Variants in GYPE observed in about 807,000 individuals in gnomAD.
GYPE encodes the protein glycophorin E (MNS blood group), also known as glycophorin-E.
Under a neutral mutation model 11.6 loss-of-function variants are expected in GYPE, and 8 were observed. The observed-to-expected ratio is 0.69, with a 90% CI of 0.41 to 1.25. The LOEUF (loss-of-function observed/expected upper bound fraction) is 1.25. Among genes scored for constraint, GYPE ranks in the 50% most tolerant of loss-of-function variants. The pLI is 0.01. For missense variants in GYPE, 90 were observed against 92.8 expected, an observed-to-expected ratio of 0.97 and a Z score of 0.12; for synonymous variants, 28 against 29.6, an observed-to-expected ratio of 0.94 and a Z score of 0.18.
At chr4:143,872,418 A>G (rs915102185) in intron 3 of GYPE, among the ~76,000 whole-genome samples, 166 bp from the exon 4 acceptor site, 2 of 152,168 alleles carry the variant, frequency 1.3e-5, no homozygotes. Flanking sequence ...AAGCAAATTT[A>G]AAAAATTAAT....
chr4:143,876,210 C>T (rs1301070907), intron 3 of GYPE, among the ~76,000 whole-genome samples: 1 of 152,006 alleles, frequency 6.6e-6, no homozygotes, highest in South Asian at 2.1e-4. Context: ...ATTTCCCAGG[C>T]TGAAGCAATC....
rs774815279 is a variant in GYPE, at chr4:143,880,400, T to G, written c.136+11A>C. On this transcript the variant is annotated intron_variant, in intron 2 of 3. Transcript: ENST00000358615. ...CGGAGCCACAATTTAAAAATAAAAATGAAAACAAACCATTTGTCTGTGATG... is the reference window on the plus strand; with the variant it reads ...CGGAGCCACAATTTAAAAATAAAAAGGAAAACAAACCATTTGTCTGTGATG... 1 of 1,613,874 alleles carries G rather than the reference T, an allele frequency of 6.2e-7. No homozygotes were observed. Among genetic ancestry groups the G allele is most frequent in the Non-Finnish European group, 8.5e-7 (1 of 1,179,800 alleles).
chr4:143,889,225 C>T (rs2590008), intron 1 of GYPE, among the ~76,000 whole-genome samples: 6 of 151,434 alleles, frequency 4.0e-5, no homozygotes, highest in South Asian at 2.1e-4. Context: ...TTTTTAGCCT[C>T]GCTCTGTACT....
chr4:143,889,596 G>C (rs1047767444), intron 1 of GYPE, among the ~76,000 whole-genome samples: 1 of 152,126 alleles, frequency 6.6e-6, no homozygotes, highest in African/African-American at 2.4e-5. Context: ...CAAACTCCTA[G>C]GCTCAAGCAA....
intron 1 of GYPE, among the ~76,000 whole-genome samples, chr4:143,892,099 G>C (rs1744430651): frequency 6.6e-6 from 1 of 152,196 alleles, no homozygotes; most frequent in Non-Finnish European, 1.5e-5. Flanking sequence ...TATTTGCGTA[G>C]AGGTGTTTGT....
intron 3 of GYPE, chr4:143,873,405 T>C (rs1416397414): frequency 2.2e-6 from 1 of 454,930 alleles, no homozygotes; most frequent in Non-Finnish European, 4.4e-6. Context: ...TTTTATCCAG[T>C]TGAATAATAA....
At chr4:143,874,632 C>T (rs1338552780) in intron 3 of GYPE, among the ~76,000 whole-genome samples, 2 of 152,212 alleles carry the variant, frequency 1.3e-5, no homozygotes, top group African/African-American at 4.8e-5. Context: ...ACTCCTCCTT[C>T]TGACTCCAAG....
intron 1 of GYPE, among the ~76,000 whole-genome samples, chr4:143,882,098 C>A (rs1290524662): frequency 6.6e-6 from 1 of 152,128 alleles, no homozygotes; most frequent in African/African-American, 2.4e-5. Flanking sequence ...CTTTTAAGTT[C>A]TTTTCTGGCC....
At chr4:143,900,745 T>C (rs1344829135) in intron 1 of GYPE, among the ~76,000 whole-genome samples, 1 of 152,158 alleles carries the variant, frequency 6.6e-6, no homozygotes, top group African/African-American at 2.4e-5. Flanking sequence ...AGGCTACCTA[T>C]TATATGATTC....
intron 1 of GYPE, among the ~76,000 whole-genome samples, chr4:143,893,165 A>T (rs1744480201): frequency 9.8e-6 from 1 of 102,108 alleles, no homozygotes; most frequent in Non-Finnish European, 2.1e-5. Flanking sequence ...TTTGCTTGGT[A>T]GATCTTCCTC....
chr4:143,893,670 C>T (rs555944724), intron 1 of GYPE, among the ~76,000 whole-genome samples: 1 of 152,072 alleles, frequency 6.6e-6, no homozygotes, highest in Non-Finnish European at 1.5e-5. Flanking sequence ...GAGTTTCTGC[C>T]GAGAGATCTG....
chr4:143,877,097 A>G (rs535406293), intron 2 of GYPE, among the ~76,000 whole-genome samples: 5 of 152,294 alleles, frequency 3.3e-5, no homozygotes, highest in South Asian at 2.1e-4. Context: ...TTGATGACAG[A>G]ACTAAGACCT....
intron 1 of GYPE, among the ~76,000 whole-genome samples, chr4:143,902,651 C>G (rs1419351414): frequency 6.6e-6 from 1 of 151,638 alleles, no homozygotes; most frequent in Non-Finnish European, 1.5e-5. Context: ...CTCCTTCTCC[C>G]TCCCTTCACC....
At chr4:143,874,467 C>G (rs1044308468) in intron 3 of GYPE, among the ~76,000 whole-genome samples, 3 of 152,168 alleles carry the variant, frequency 2.0e-5, no homozygotes, top group Non-Finnish European at 4.4e-5. Context: ...AAGCAGTCAC[C>G]TTGAGAGGTA....
At chr4:143,894,296 T>C (rs1317319392) in intron 1 of GYPE, among the ~76,000 whole-genome samples, 2 of 152,170 alleles carry the variant, frequency 1.3e-5, no homozygotes, top group Non-Finnish European at 2.9e-5. Context: ...GTCTGAAGCC[T>C]TCTTCTCTCA....
Position 143,880,416 on chromosome 4 carries a change from G to T in GYPE, c.131C>A (p.Thr44Lys), listed in dbSNP as rs1487123126. The change falls in exon 2 of 4, where the codon ACA becomes AAA. Residue 44 changes from threonine to lysine, a missense_variant. Coordinates refer to ENST00000358615, the MANE Select transcript of GYPE (RefSeq NM_198682.3). ...AAATAAAAATGAAAACAAACCATTT[G>T]TCTGTGATGAGATGTAACTCTTTGT... ...SVTKSYISSQTNGITLINWWA... is the reference protein window; with the variant it reads ...SVTKSYISSQKNGITLINWWA... 1.2e-6 allele frequency: 2 copies of T among 1,613,840 alleles called. No individual in the cohort carries two copies. The highest frequency in any genetic ancestry group is 1.7e-5 in the Admixed American group (1 of 59,984).
intron 3 of GYPE, among the ~76,000 whole-genome samples, 166 bp from the exon 4 acceptor site, chr4:143,872,418 A>T (rs915102185): frequency 5.3e-5 from 8 of 152,168 alleles, no homozygotes; most frequent in Non-Finnish European, 1.0e-4. Flanking sequence ...AAGCAAATTT[A>T]AAAAATTAAT....
At chr4:143,874,282 C>G (rs988682192) in intron 3 of GYPE, among the ~76,000 whole-genome samples, 1 of 152,078 alleles carries the variant, frequency 6.6e-6, no homozygotes, top group Non-Finnish European at 1.5e-5. Context: ...CATATCCTGG[C>G]ATCTCCCCCA....
chr4:143,882,833 G>A (rs531047304), intron 1 of GYPE, among the ~76,000 whole-genome samples: 15 of 152,280 alleles, frequency 9.9e-5, no homozygotes, highest in Non-Finnish European at 2.2e-4. Flanking sequence ...GGGCTCTTCT[G>A]AAACATAAAA....
Sources: allele counts gnomAD v4.1 joint callset (sites outside exome capture counted in the v4.1 genomes callset), GRCh38; gene constraint gnomAD v4.1.1; transcripts MANE v1.5; gene names NCBI Gene and HGNC (gene_info 2026-07-23, HGNC 2026-07-21).